Variants in ZP3 observed in about 807,000 individuals in gnomAD.
ZP3 encodes the protein zona pellucida glycoprotein 3.
Under a neutral mutation model 35.6 loss-of-function variants are expected in ZP3, and 21 were observed. That is an observed-to-expected ratio of 0.59 (90% CI 0.42 to 0.85). The LOEUF (loss-of-function observed/expected upper bound fraction) is 0.85. ZP3 is among the 40% of genes least tolerant of loss of function. The pLI is 0.00. For synonymous variants in ZP3, 207 were observed against 214.5 expected (o/e 0.96, Z 0.31); for missense variants, 437 against 536.5 (o/e 0.81, Z 1.83).
intron 5 of ZP3, among the ~76,000 whole-genome samples, chr7:76,436,162 C>T (rs1346832531): frequency 6.8e-6 from 1 of 147,600 alleles, no homozygotes; most frequent in Non-Finnish European, 1.5e-5. Flanking sequence ...AGCGATTCTC[C>T]TGCCTTAGCC....
At position 76,440,584 on chromosome 7, in the gene ZP3, A is replaced by G; in HGVS notation, c.1033A>G (p.Arg345Gly). The change falls in exon 7 of 8, where the codon AGG becomes GGG. Residue 345 changes from arginine to glycine, a missense_variant. Arg to Gly is a moderately radical substitution (Grantham distance 125, BLOSUM62 -2). Coordinates refer to ENST00000394857, the MANE Select transcript of ZP3 (RefSeq NM_001110354.2). ...GCCTCATGTCATGAGCCAGTGGTCCAGGTCTGCTTCCCGTAACCGCAGGCA... is the reference window on the plus strand; with the variant it reads ...GCCTCATGTCATGAGCCAGTGGTCCGGGTCTGCTTCCCGTAACCGCAGGCA... ...RQPHVMSQWS[R>G]SASRNRRHVT... 1.2e-6 allele frequency: 2 copies of G among 1,613,836 alleles called. No individual in the cohort carries two copies. The highest frequency in any genetic ancestry group is 1.7e-6 in the Non-Finnish European group (2 of 1,179,796).
intron 1 of ZP3, among the ~76,000 whole-genome samples, chr7:76,418,717 G>A (rs559453443): frequency 2.6e-5 from 4 of 151,864 alleles, no homozygotes; most frequent in South Asian, 2.1e-4. Flanking sequence ...TTAGCCGGGC[G>A]TGGTGGCAGG....
chr7:76,404,385 C>G, intron 1 of ZP3: 1 of 1,613,952 alleles, frequency 6.2e-7, no homozygotes, highest in South Asian at 1.1e-5. Flanking sequence ...AACCTCCACC[C>G]CCAGCGCTTC....
At chr7:76,435,847 C>T (rs1291107704) in intron 5 of ZP3, among the ~76,000 whole-genome samples, 5 of 151,558 alleles carry the variant, frequency 3.3e-5, no homozygotes, top group Admixed American at 6.6e-5. Flanking sequence ...GCCTCAGCCT[C>T]CTGAGTAGCT....
At position 76,440,414 on chromosome 7, in the gene ZP3, A is replaced by G. The variant is rs753495126; in HGVS notation, c.924-61A>G. The G allele has an allele frequency of 3.1e-6, 5 of 1,607,600 alleles. No homozygotes were observed. In the Admixed American group the frequency reaches 5.1e-5, roughly 16 times the overall value. On this transcript the variant is annotated intron_variant, in intron 6 of 7. Coordinates refer to ENST00000394857, the MANE Select transcript of ZP3 (RefSeq NM_001110354.2). ...ACCCCTTGTCTATTTCCCCCAATAT[A>G]TTATCAGCAAACTGCTTCCTGCAGG...
At chr7:76,423,992 A>G (rs985937780), upstream of ZP3, among the ~76,000 whole-genome samples, 26 of 152,096 alleles carry the variant, frequency 1.7e-4, no homozygotes, top group African/African-American at 6.3e-4. Flanking sequence ...CTCTTCACAC[A>G]GCTGCCTCTG....
chr7:76,417,009 C>A (rs1001534062), intron 1 of ZP3, among the ~76,000 whole-genome samples: 8 of 148,394 alleles, frequency 5.4e-5, no homozygotes, highest in Non-Finnish European at 1.2e-4. Flanking sequence ...TGAAAAGCAT[C>A]CCCATATACT....
chr7:76,400,269 C>T, intron 1 of ZP3: 2 of 1,451,562 alleles, frequency 1.4e-6, no homozygotes, highest in African/African-American at 1.5e-5. Flanking sequence ...CCCTCCAGGT[C>T]CCAGGGCTCC....
chr7:76,404,616 AC>A, intron 1 of ZP3: 1 of 823,102 alleles, frequency 1.2e-6, no homozygotes, highest in Non-Finnish European at 1.9e-6. Flanking sequence ...ACATAGTGAG[AC>A]CCCCATCTCT....
chr7:76,416,877 CACACATACATATATAT>C (rs1056190075), intron 1 of ZP3, among the ~76,000 whole-genome samples: 1 of 141,582 alleles, frequency 7.1e-6, no homozygotes, highest in African/African-American at 2.9e-5. Context: ...CACATATATA[CACACATACATATATAT>C]ACACATACAT....
rs1313082515 is a variant in ZP3, at chr7:76,438,418, TGTG to T, written c.832-1824_832-1822del. Among the ~76,000 whole-genome samples the T allele has an allele frequency of 3.9e-5, 6 of 152,162 alleles. No individual in the cohort carries two copies. In the South Asian group the frequency reaches 6.2e-4, roughly 16 times the overall value. On this transcript the variant is annotated intron_variant, in intron 5 of 7. Coordinates refer to ENST00000394857, the MANE Select transcript of ZP3 (RefSeq NM_001110354.2). Reference sequence around the variant, plus strand: ...ACTACAAATACAAAAACTAGCCTGGTGTGGTGGTGGGTACCCGTAATCCCATCT... The same window carrying T: ...ACTACAAATACAAAAACTAGCCTGGTGTGGTGGGTACCCGTAATCCCATCT...
chr7:76,436,042 T>TCCCC (rs1805995121), intron 5 of ZP3, among the ~76,000 whole-genome samples: 2 of 28,136 alleles, frequency 7.1e-5, no homozygotes, highest in Admixed American at 4.1e-4. Flanking sequence ...TTTTTTTTTT[T>TCCCC]TTTTTTTTTT....
chr7:76,428,180 A>AAG (rs1554625141), intron 1 of ZP3, among the ~76,000 whole-genome samples: 204 of 149,706 alleles, frequency 1.4e-3, no homozygotes, highest in Middle Eastern at 3.4e-3. Flanking sequence ...AAAAAAAAAA[A>AAG]GGCACGGTGG....
intron 1 of ZP3, among the ~76,000 whole-genome samples, chr7:76,415,165 C>T (rs1584045220): frequency 6.6e-6 from 1 of 151,660 alleles, no homozygotes; most frequent in East Asian, 2.0e-4. Flanking sequence ...CACGTGAGGT[C>T]AGGAATTCAA....
intron 1 of ZP3, among the ~76,000 whole-genome samples, chr7:76,412,944 C>T (rs1320143555): frequency 7.0e-6 from 1 of 142,086 alleles, no homozygotes; most frequent in Non-Finnish European, 1.5e-5. Flanking sequence ...TTTCTTTCTT[C>T]TTTGTCTTCT....
At chr7:76,433,853 C>T (rs1413784785) in intron 4 of ZP3, 185 bp from the exon 5 acceptor site, 8 of 1,143,498 alleles carry the variant, frequency 7.0e-6, no homozygotes, top group South Asian at 4.5e-5. Flanking sequence ...TGCCCATCAC[C>T]ATGCCTGGCT....
intron 3 of ZP3, 127 bp from the exon 4 acceptor site, chr7:76,433,343 T>TG (rs1480354800): frequency 5.0e-6 from 5 of 1,001,110 alleles, no homozygotes; most frequent in Non-Finnish European, 7.3e-6. Context: ...TTAGTAGAGA[T>TG]GGGGTTTTGC....
chr7:76,438,187 G>A (rs1475602899), intron 5 of ZP3, among the ~76,000 whole-genome samples: 33 of 152,254 alleles, frequency 2.2e-4, no homozygotes, highest in African/African-American at 5.3e-4. Flanking sequence ...ACCTGGGGAC[G>A]GGCCAAGGCT....
intron 7 of ZP3, among the ~76,000 whole-genome samples, chr7:76,440,923 G>A (rs1638131): frequency 0.01 from 1,248 of 120,568 alleles, 7 homozygotes; most frequent in African/African-American, 0.027. Flanking sequence ...TGTAATCCCA[G>A]CACTTCGGGA....
Sources: allele counts gnomAD v4.1 joint callset (sites outside exome capture counted in the v4.1 genomes callset), GRCh38; gene constraint gnomAD v4.1.1; transcripts MANE v1.5; gene names NCBI Gene and HGNC (gene_info 2026-07-23, HGNC 2026-07-21).